Variants in TCF20 observed in about 807,000 individuals in gnomAD.
The protein encoded by TCF20 is SPRE-binding protein.
Under a neutral mutation model 148.6 loss-of-function variants are expected in TCF20, and 3 were observed. The ratio of observed to expected loss-of-function variants is 0.02; its 90% CI spans 0.01 to 0.05. The LOEUF is 0.05. Among genes scored for constraint, TCF20 ranks in the 10% least tolerant of loss-of-function variants. TCF20 has a pLI of 1.00. For missense variants in TCF20, 2,350 were observed against 2,429.3 expected, an observed-to-expected ratio of 0.97 and a Z score of 0.69; for synonymous variants, 1,049 against 909.5, an observed-to-expected ratio of 1.15 and a Z score of -2.76.
chr22:42,208,357 T>TG (rs1323004093), intron 2 of TCF20, among the ~76,000 whole-genome samples: 1 of 152,198 alleles, frequency 6.6e-6, no homozygotes, highest in Admixed American at 6.5e-5. Context: ...CTGTGGCTTG[T>TG]GGCACATGCC....
chr22:42,252,281 T>C (rs1601664326), intron 1 of TCF20, among the ~76,000 whole-genome samples: 1 of 142,532 alleles, frequency 7.0e-6, no homozygotes. Flanking sequence ...AAAGTCCATC[T>C]CAAAAAAAAA....
intron 5 of TCF20, among the ~76,000 whole-genome samples, chr22:42,165,842 T>C (rs972570821): frequency 1.3e-5 from 2 of 152,238 alleles, no homozygotes; most frequent in Admixed American, 6.5e-5. Flanking sequence ...GAAACCGAAG[T>C]ACAGAGACAT....
At chr22:42,255,358 G>A (rs940523068) in intron 1 of TCF20, among the ~76,000 whole-genome samples, 6 of 152,010 alleles carry the variant, frequency 3.9e-5, no homozygotes, top group Non-Finnish European at 8.8e-5. Flanking sequence ...GCTTGGTGGT[G>A]CGTGCCTGTA....
intron 3 of TCF20, among the ~76,000 whole-genome samples, chr22:42,170,690 T>C (rs567750720): frequency 7.0e-6 from 1 of 141,916 alleles, no homozygotes; most frequent in Admixed American, 7.0e-5. Context: ...GTAACAATAA[T>C]TCTCTTTGGG....
At chr22:42,267,807 C>T (rs1229219543) in intron 1 of TCF20, among the ~76,000 whole-genome samples, 2 of 152,094 alleles carry the variant, frequency 1.3e-5, no homozygotes, top group East Asian at 3.9e-4. Context: ...GCACTCTGCC[C>T]CTATGCTGGG....
intron 2 of TCF20, among the ~76,000 whole-genome samples, chr22:42,180,803 C>T (rs1936733541): frequency 6.6e-6 from 1 of 152,204 alleles, no homozygotes; most frequent in South Asian, 2.1e-4. Context: ...ACTCTTGAGA[C>T]ACCAAAGGGA....
At chr22:42,302,082 AG>A (rs1195765287) in intron 1 of TCF20, among the ~76,000 whole-genome samples, 1 of 152,218 alleles carries the variant, frequency 6.6e-6, no homozygotes, top group African/African-American at 2.4e-5. Context: ...GAGCCGGCAA[AG>A]GAGGGACAGC....
intron 1 of TCF20, among the ~76,000 whole-genome samples, chr22:42,223,460 A>C (rs1327889049): frequency 2.6e-5 from 4 of 152,208 alleles, no homozygotes; most frequent in African/African-American, 9.7e-5. Flanking sequence ...TGTAGCTATC[A>C]ATTATTGCCA....
At chr22:42,323,938 GTGGTGA>G (rs1601706789) in intron 1 of TCF20, among the ~76,000 whole-genome samples, 8 of 108,548 alleles carry the variant, frequency 7.4e-5, no homozygotes, top group East Asian at 5.7e-4. Context: ...GGTGGTGGTG[GTGGTGA>G]TGGAGGTTAT....
At chr22:42,235,408 T>C (rs976488993) in intron 1 of TCF20, among the ~76,000 whole-genome samples, 3 of 152,146 alleles carry the variant, frequency 2.0e-5, no homozygotes, top group African/African-American at 7.2e-5. Flanking sequence ...TATCAACTGG[T>C]GCACACCATC....
chr22:42,194,305 G>C (rs1227178011), intron 2 of TCF20, among the ~76,000 whole-genome samples: 3 of 152,164 alleles, frequency 2.0e-5, no homozygotes, highest in African/African-American at 7.2e-5. Context: ...CAGAATGCTG[G>C]GTCAGCAAGT....
chr22:42,313,136 A>C (rs538387444), intron 1 of TCF20, among the ~76,000 whole-genome samples: 1 of 152,204 alleles, frequency 6.6e-6, no homozygotes, highest in African/African-American at 2.4e-5. Flanking sequence ...GCTAATGCCC[A>C]CCTGTGGGCT....
chr22:42,308,874 G>C (rs937930191), intron 1 of TCF20, among the ~76,000 whole-genome samples: 1 of 152,158 alleles, frequency 6.6e-6, no homozygotes, highest in Non-Finnish European at 1.5e-5. Context: ...CTGAGCCTCA[G>C]TTTCCATCTC....
rs373912899 is a variant in TCF20, at chr22:42,210,877, C to G, written c.4429G>C (p.Gly1477Arg). The change falls in exon 2 of 6, where the codon GGG (glycine) becomes CGG (arginine). Residue 1477 changes from glycine (G) to arginine (R), a missense_variant. Coordinates refer to ENST00000677622, the MANE Select transcript of TCF20 (RefSeq NM_001378418.1). The surrounding 1 kb of genome is among the most constrained non-coding windows in gnomAD (Gnocchi z 4.7). Reference protein sequence around the residue: ...TTSQKPGSNQGRPDGSLGGTA... With the variant: ...TTSQKPGSNQRRPDGSLGGTA... ...CCACCCAGGGAACCATCTGGTCTCCCTTGGTTACTACCAGGCTTCTGTGAG... is the reference window on the plus strand; with the variant it reads ...CCACCCAGGGAACCATCTGGTCTCCGTTGGTTACTACCAGGCTTCTGTGAG... The G allele has an allele frequency of 3.7e-6, 6 of 1,614,026 alleles. No individual in the cohort carries two copies. The African/African-American group carries it at 8.0e-5, about 22-fold the overall frequency.
intron 1 of TCF20, chr22:42,269,803 T>C (rs1005781155): frequency 5.9e-5 from 9 of 152,542 alleles, no homozygotes; most frequent in African/African-American, 1.9e-4. Context: ...GGTGTTCACA[T>C]GGCAGTAAAC....
chr22:42,215,384 G>A (rs1356848033), intron 1 of TCF20, 43 bp from the exon 2 acceptor site: 3 of 1,514,024 alleles, frequency 2.0e-6, no homozygotes, highest in Non-Finnish European at 1.8e-6. Context: ...GCATCTCCTT[G>A]GTACAAATAA....
intron 2 of TCF20, among the ~76,000 whole-genome samples, chr22:42,183,323 T>C (rs749636505): frequency 6.6e-6 from 1 of 152,028 alleles, no homozygotes; most frequent in Non-Finnish European, 1.5e-5. Flanking sequence ...AAAATCAACT[T>C]TGTGGATGAG....
At chr22:42,230,995 C>A (rs984556989) in intron 1 of TCF20, among the ~76,000 whole-genome samples, 1 of 151,504 alleles carries the variant, frequency 6.6e-6, no homozygotes, top group Non-Finnish European at 1.5e-5. Flanking sequence ...CCCGTCTCTA[C>A]TAAAAAAAAC....
rs919233150 is a variant in TCF20 at position 42,290,121 on chromosome 22, G to A, written c.-37+53358C>T. On this transcript the variant is annotated intron_variant, in intron 1 of 1. Transcript: ENST00000515426. The surrounding 1 kb of genome is among the most constrained non-coding windows in gnomAD (Gnocchi z 4.2). ...GCTTGGGGAGCGGGGGTCAGCCAGG[G>A]GGACAAGGGCCAGCAGGAGGCAGGG... is the stretch of plus-strand genomic sequence containing the variant. 6.6e-6 allele frequency among the ~76,000 whole-genome samples: 1 copy of A among 152,130 alleles called. No homozygotes were observed. The highest frequency in any genetic ancestry group is 1.5e-5 in the Non-Finnish European group (1 of 67,994).
Sources: gnomAD v4.1 joint callset for allele counts (sites outside exome capture counted in the v4.1 genomes callset) on GRCh38, gnomAD v4.1.1 for gene constraint, Gnocchi (gnomAD v3.1) non-coding constraint, MANE v1.5 for transcripts, NCBI Gene and HGNC (gene_info 2026-07-23, HGNC 2026-07-21) for gene names.